CCT5: variants seen among roughly 807,000 people sequenced by gnomAD.
The protein encoded by CCT5 is chaperonin containing TCP1 subunit 5.
CCT5 carries 6 observed loss-of-function variants against 55.0 expected under a neutral mutation model. The observed-to-expected ratio is 0.11, with a 90% CI of 0.06 to 0.22. The LOEUF (loss-of-function observed/expected upper bound fraction) is 0.22, where lower values mean the gene tolerates loss of function less well. CCT5 is among the 10% of genes least tolerant of loss of function. The pLI is 1.00. For synonymous variants in CCT5, 231 were observed against 243.7 expected, an observed-to-expected ratio of 0.95 and a Z score of 0.49; for missense variants, 560 against 694.6, an observed-to-expected ratio of 0.81 and a Z score of 2.18.
chr5:10,254,985 G>A (rs1745601600), intron 3 of CCT5, 147 bp downstream of exon 3: 4 of 422,152 alleles, frequency 9.5e-6, no homozygotes, highest in Non-Finnish European at 1.2e-5. Context: ...AACAAATGTC[G>A]GACTTTCAAA....
intron 1 of CCT5, among the ~76,000 whole-genome samples, chr5:10,252,007 G>C (rs2607298): frequency 2.6e-5 from 4 of 152,136 alleles, no homozygotes; most frequent in Non-Finnish European, 5.9e-5. Context: ...CTGAAGAGCA[G>C]TTGCTACTAA....
At chr5:10,259,424 A>G (rs756368452) in intron 6 of CCT5, among the ~76,000 whole-genome samples, 1 of 152,188 alleles carries the variant, frequency 6.6e-6, no homozygotes, top group Non-Finnish European at 1.5e-5. Context: ...CTCATTGATG[A>G]TACGGTTCTT....
At chr5:10,260,729 A>T in intron 6 of CCT5, 63 bp from the exon 7 acceptor site, 1 of 1,592,780 alleles carries the variant, frequency 6.3e-7, no homozygotes, top group Non-Finnish European at 8.6e-7. Context: ...CTTTTTTCAA[A>T]CATTGTAATG....
In CCT5 at chr5:10,264,649, T is replaced by TA. The variant is rs749822772; in HGVS notation, c.1499-7_1499-6insA. 3 of 1,590,520 alleles carry TA rather than the reference T, an allele frequency of 1.9e-6. No individual in the cohort carries two copies. In the East Asian group the frequency reaches 6.7e-5, roughly 36 times the overall value. On this transcript the variant is annotated splice_region_variant and splice_polypyrimidine_tract_variant and intron_variant, in intron 10 of 10. Transcript: ENST00000280326. ...TTTAGGATAATCAGTGTCCTTGTAT[T>TA]TTTCAGATATGAAGCAACAGCATGT...
Position 10,259,951 on chromosome 5 carries a change from G to A in CCT5, c.874-841G>A, listed in dbSNP as rs575759449. Among the ~76,000 whole-genome samples, 3 of 152,328 alleles carry A rather than the reference G, an allele frequency of 2.0e-5. No homozygotes were observed. The South Asian group carries it at 6.2e-4, about 32-fold the overall frequency. ...GAGGAACACTGCAGGTGACTGAGGA[G>A]CAAGAAGGACCCTCTCCTGTTCTGA... On this transcript the variant is annotated intron_variant, in intron 6 of 10. Transcript: ENST00000280326.
upstream of CCT5, chr5:10,249,925 A>C (rs768853463): frequency 1.7e-3 from 1,796 of 1,027,776 alleles, 6 homozygotes; most frequent in Middle Eastern, 4.5e-3. Flanking sequence ...AAAAAAAAAA[A>C]AAAAAAAAAC....
chr5:10,259,268 A>T (rs1359193086), intron 6 of CCT5, among the ~76,000 whole-genome samples: 1 of 151,968 alleles, frequency 6.6e-6, no homozygotes, highest in Non-Finnish European at 1.5e-5. Flanking sequence ...TGACATAGCA[A>T]CTCCTCTTTG....
Position 10,254,730 on chromosome 5 carries a change from G to A in CCT5, c.223G>A (p.Ala75Thr), listed in dbSNP as rs1745591129. 2.5e-6 allele frequency: 4 copies of A among 1,612,806 alleles called. No individual in the cohort carries two copies. The highest frequency in any genetic ancestry group is 1.3e-5 in the African/African-American group (1 of 75,016). ...DGDVTVTNDG[A>T]TILSMMDVDH... The stretch of plus-strand genomic sequence containing the variant: ...AGATGTGACTGTAACTAATGATGGG[G>A]CCACCATCTTAAGCATGATGGATGT... The change falls in exon 3 of 11, where the codon GCC (alanine) becomes ACC (threonine). Residue 75 changes from alanine to threonine, a missense_variant. By Grantham distance (58) the Ala-to-Thr change is moderately conservative (BLOSUM62 0). Coordinates refer to ENST00000280326, the MANE Select transcript of CCT5 (RefSeq NM_012073.5).
chr5:10,263,470 G>T (rs2292267), intron 10 of CCT5, among the ~76,000 whole-genome samples, 156 bp downstream of exon 10: 6 of 152,106 alleles, frequency 3.9e-5, no homozygotes, highest in African/African-American at 1.4e-4. Context: ...TTTGATTGCC[G>T]TAGGAATTGG....
rs1745925875 is a variant in CCT5 at position 10,260,861 on chromosome 5, C to G, written c.943C>G (p.Leu315Val). The change falls in exon 7 of 11, where the codon CTT (leucine) becomes GTT (valine). Residue 315 changes from leucine (L) to valine (V), a missense_variant. Around this residue, in one of 4 missense-constraint regions of CCT5, gnomAD observed 256 missense variants for 372.4 expected, o/e 0.69. Coordinates refer to ENST00000280326, the MANE Select transcript of CCT5 (RefSeq NM_012073.5). The part of the protein sequence containing the change: ...GFDDEANHLL[L>V]QNNLPAVRWV... ...TGATGATGAAGCAAATCACTTACTTCTTCAGAACAACTTGCCTGCGGTTCG... is the reference window on the plus strand; with the variant it reads ...TGATGATGAAGCAAATCACTTACTTGTTCAGAACAACTTGCCTGCGGTTCG... 6.2e-7 allele frequency: 1 copy of G among 1,614,060 alleles called. No homozygotes were observed. The highest frequency in any genetic ancestry group is 1.3e-5 in the African/African-American group (1 of 74,934).
chr5:10,250,550 A>G, intron 1 of CCT5, 105 bp downstream of exon 1: 1 of 1,537,082 alleles, frequency 6.5e-7, no homozygotes, highest in Non-Finnish European at 8.8e-7. Context: ...TGCTCCCCGG[A>G]AAGGTCGAGA....
chr5:10,261,487 C>T (rs1341431572), intron 7 of CCT5, 73 bp from the exon 8 acceptor site: 2 of 1,460,894 alleles, frequency 1.4e-6, no homozygotes, highest in Non-Finnish European at 1.9e-6. Flanking sequence ...AAGTTTTGCT[C>T]ATTTGTGGCC....
At chr5:10,258,340 T>C (rs1427775509) in intron 5 of CCT5, 37 bp downstream of exon 5, 1 of 1,613,994 alleles carries the variant, frequency 6.2e-7, no homozygotes, top group Non-Finnish European at 8.5e-7. Context: ...CACTGTTGGT[T>C]AACTCTTAAT....
At chr5:10,255,910 G>A in intron 3 of CCT5, 45 bp from the exon 4 acceptor site, 1 of 1,564,620 alleles carries the variant, frequency 6.4e-7, no homozygotes, top group South Asian at 1.1e-5. Flanking sequence ...TAAAAGTGAA[G>A]TTTTGTTGTT....
chr5:10,252,173 G>A (rs962714327), intron 1 of CCT5, among the ~76,000 whole-genome samples: 1 of 152,228 alleles, frequency 6.6e-6, no homozygotes, highest in Non-Finnish European at 1.5e-5. Flanking sequence ...TCTCTTAAAA[G>A]AGTTGGATGC....
At chr5:10,257,174 G>A (rs1579450657) in intron 4 of CCT5, among the ~76,000 whole-genome samples, 1 of 152,220 alleles carries the variant, frequency 6.6e-6, no homozygotes, top group African/African-American at 2.4e-5. Context: ...CAGGAAAAGT[G>A]TCTGCTTCTG....
chr5:10,260,099 G>A (rs1290015012), intron 6 of CCT5, among the ~76,000 whole-genome samples: 1 of 152,188 alleles, frequency 6.6e-6, no homozygotes, highest in Non-Finnish European at 1.5e-5. Context: ...CAGAGGGTCA[G>A]GGAAGGAAGA....
intron 1 of CCT5, among the ~76,000 whole-genome samples, chr5:10,251,265 AGG>A (rs1188292548): frequency 6.6e-6 from 1 of 152,202 alleles, no homozygotes; most frequent in African/African-American, 2.4e-5. Context: ...TTGGGGAAGA[AGG>A]GGAGCCATTG....
chr5:10,254,117 T>C (rs779761046), intron 1 of CCT5, 28 bp from the exon 2 acceptor site: 3 of 1,482,370 alleles, frequency 2.0e-6, no homozygotes, highest in South Asian at 1.1e-5. Flanking sequence ...TATGTAACAG[T>C]GTTTGCTTTT....
Sources: gnomAD v4.1 joint callset for allele counts (sites outside exome capture counted in the v4.1 genomes callset) on GRCh38, gnomAD v4.1.1 for gene constraint, gnomAD v4.1.1 regional missense constraint, MANE v1.5 for transcripts, NCBI Gene and HGNC (gene_info 2026-07-23, HGNC 2026-07-21) for gene names.